Variants in OSTF1 observed in about 807,000 individuals in gnomAD.
OSTF1 encodes the protein osteoclast-stimulating factor 1.
In OSTF1, 27 loss-of-function variants were observed where a neutral mutation model predicts 37.2. The observed-to-expected ratio is 0.73, with a 90% CI of 0.54 to 1.00. OSTF1 has a LOEUF of 1.00. OSTF1 is among the 50% of genes least tolerant of loss of function. The pLI is 0.00. For synonymous variants in OSTF1, 82 were observed against 89.2 expected (o/e 0.92, Z 0.46); for missense variants, 232 against 253.8 (o/e 0.91, Z 0.58).
intron 1 of OSTF1, 125 bp from the exon 2 acceptor site, chr9:75,117,379 A>G: frequency 1.6e-6 from 1 of 641,372 alleles, no homozygotes; most frequent in South Asian, 2.1e-5. Context: ...AGCCTCTAGT[A>G]TCCTCTGTTC....
chr9:75,140,189 A>T (rs1055201036), intron 8 of OSTF1, among the ~76,000 whole-genome samples: 3 of 152,206 alleles, frequency 2.0e-5, no homozygotes, highest in Non-Finnish European at 4.4e-5. Flanking sequence ...AATAAGGGAG[A>T]TAAGAACTCA....
chr9:75,140,893 G>A lies in OSTF1; in HGVS notation c.547G>A (p.Ala183Thr), dbSNP rs1825931918. 6.2e-7 allele frequency: 1 copy of A among 1,613,668 alleles called. No individual in the cohort carries two copies. Among genetic ancestry groups the A allele is most frequent in the South Asian group, 1.1e-5 (1 of 91,066 alleles). Residue 183 changes from alanine (A) to threonine (T), a missense_variant, in exon 9 of 10, where the codon GCT becomes ACT. Transcript: ENST00000346234. ...KKLAFDMATNAACASLLKKKQ... is the reference protein window; with the variant it reads ...KKLAFDMATNTACASLLKKKQ... The stretch of plus-strand genomic sequence containing the variant: ...GCTGGCCTTCGACATGGCTACCAAT[G>A]CTGCCTGTGCATCTCTCCTGAAAAA...
At chr9:75,116,425 C>G (rs372657410) in intron 1 of OSTF1, among the ~76,000 whole-genome samples, 2 of 151,986 alleles carry the variant, frequency 1.3e-5, no homozygotes, top group South Asian at 4.1e-4. Context: ...GAGTTCCTGC[C>G]CTCAAATGAG....
intron 1 of OSTF1, among the ~76,000 whole-genome samples, chr9:75,114,531 T>A (rs1825447487): frequency 6.7e-6 from 1 of 149,010 alleles, no homozygotes; most frequent in African/African-American, 2.5e-5. Flanking sequence ...GGTTTCAGAC[T>A]TTTAAATTTT....
Position 75,133,340 on chromosome 9 carries a change from T to C in OSTF1, c.297T>C (p.Val99=). 2 of 1,613,340 alleles carry C rather than the reference T, an allele frequency of 1.2e-6. No homozygotes were observed. Among genetic ancestry groups the C allele is most frequent in the Non-Finnish European group, 1.7e-6 (2 of 1,179,388 alleles). The change falls in exon 6 of 10, where the codon GTT becomes GTC. Residue 99 remains valine, a synonymous_variant. Coordinates refer to ENST00000346234, the MANE Select transcript of OSTF1 (RefSeq NM_012383.5). ...LRECLDNRVG[V]NGLDKAGSTA... Reference sequence around the variant, plus strand: ...AGTGTTTGGACAACAGAGTGGGTGTTAATGGCTTAGACAAAGCTGGAAGCA... The same window carrying C: ...AGTGTTTGGACAACAGAGTGGGTGTCAATGGCTTAGACAAAGCTGGAAGCA...
chr9:75,138,019 A>G (rs1215244766), intron 8 of OSTF1, among the ~76,000 whole-genome samples: 1 of 152,216 alleles, frequency 6.6e-6, no homozygotes, highest in East Asian at 1.9e-4. Context: ...AGCAAGAATG[A>G]TGCGGCTGCA....
chr9:75,116,318 G>A (rs80226770), intron 1 of OSTF1, among the ~76,000 whole-genome samples: 5 of 151,886 alleles, frequency 3.3e-5, no homozygotes, highest in African/African-American at 9.7e-5. Flanking sequence ...TTCTAGAACC[G>A]GTGCCCTTGG....
chr9:75,103,779 C>T (rs1396303049), intron 1 of OSTF1, among the ~76,000 whole-genome samples: 1 of 152,140 alleles, frequency 6.6e-6, no homozygotes, highest in Admixed American at 6.6e-5. Context: ...GACCCACAGA[C>T]ATACACCACC....
At chr9:75,097,540 C>G (rs1463215333) in intron 1 of OSTF1, among the ~76,000 whole-genome samples, 1 of 152,150 alleles carries the variant, frequency 6.6e-6, no homozygotes, top group South Asian at 2.1e-4. Flanking sequence ...TTCCAAACAT[C>G]AAGTCTTCAG....
At chr9:75,101,455 G>C (rs943829120) in intron 1 of OSTF1, among the ~76,000 whole-genome samples, 1 of 152,194 alleles carries the variant, frequency 6.6e-6, no homozygotes, top group Non-Finnish European at 1.5e-5. Flanking sequence ...CAGCTTGTTA[G>C]TTTCTCATAG....
rs150390364 is a variant in OSTF1, at chr9:75,090,131, C to G, written c.34+1405C>G. ...AGGTGCAAATCAGGACCTTAAGTAT[C>G]TAACAGTGCAGAGTTGTTCTTTGAT... On this transcript the variant is annotated intron_variant, in intron 1 of 9. Transcript: ENST00000346234. 4.0e-3 allele frequency among the ~76,000 whole-genome samples: 615 copies of G among 152,326 alleles called. 8 individuals carry two copies. Among genetic ancestry groups the G allele is most frequent in the African/African-American group, 0.014 (590 of 41,558 alleles).
intron 1 of OSTF1, among the ~76,000 whole-genome samples, chr9:75,102,453 C>T (rs1421787435): frequency 1.7e-4 from 26 of 152,182 alleles, no homozygotes; most frequent in Admixed American, 1.7e-3. Flanking sequence ...CAAAAAATAT[C>T]AGAGTGAATC....
At chr9:75,103,316 G>A (rs1281715889) in intron 1 of OSTF1, among the ~76,000 whole-genome samples, 1 of 151,916 alleles carries the variant, frequency 6.6e-6, no homozygotes, top group Admixed American at 6.6e-5. Flanking sequence ...TAAAATACAG[G>A]TACCTTATAA....
intron 2 of OSTF1, among the ~76,000 whole-genome samples, chr9:75,126,397 A>G (rs926140463): frequency 6.6e-6 from 1 of 152,284 alleles, no homozygotes; most frequent in African/African-American, 2.4e-5. Context: ...TTCTTATCAC[A>G]TGTGAAATTT....
At position 75,117,554 on chromosome 9, in the gene OSTF1, A is replaced by T. The variant is rs1273559276; in HGVS notation, c.81+4A>T. ...GTATACGTTTGAACCCAGAACTGTA[A>T]GTGTTCAGTTTTTAACTTCTAAAAT... On this transcript the variant is annotated splice_donor_region_variant and intron_variant, in intron 2 of 9. Coordinates refer to ENST00000346234, the MANE Select transcript of OSTF1 (RefSeq NM_012383.5). 6.3e-7 allele frequency: 1 copy of T among 1,599,524 alleles called. No homozygotes were observed. The highest frequency in any genetic ancestry group is 8.6e-7 in the Non-Finnish European group (1 of 1,167,646).
intron 1 of OSTF1, among the ~76,000 whole-genome samples, chr9:75,113,640 G>C (rs1471905635): frequency 6.6e-6 from 1 of 151,818 alleles, no homozygotes; most frequent in African/African-American, 2.4e-5. Context: ...GTAGAGATGG[G>C]GTTTTGCTAT....
intron 1 of OSTF1, among the ~76,000 whole-genome samples, chr9:75,107,533 A>G (rs1353379360): frequency 6.6e-6 from 1 of 152,098 alleles, no homozygotes; most frequent in African/African-American, 2.4e-5. Context: ...ATGGGAGAAT[A>G]TTGTTTTTTA....
intron 2 of OSTF1, among the ~76,000 whole-genome samples, chr9:75,126,838 G>A (rs1389558046): frequency 2.6e-5 from 4 of 152,146 alleles, no homozygotes; most frequent in Non-Finnish European, 2.9e-5. Context: ...TGAACCACCT[G>A]CCTTGGTCTC....
intron 8 of OSTF1, among the ~76,000 whole-genome samples, chr9:75,138,221 A>T (rs1304839524): frequency 6.6e-6 from 1 of 152,224 alleles, no homozygotes; most frequent in Non-Finnish European, 1.5e-5. Flanking sequence ...TCTAGTCCAG[A>T]AGCCTATCAT....
Sources: gnomAD v4.1 joint callset for allele counts (sites outside exome capture counted in the v4.1 genomes callset) on GRCh38, gnomAD v4.1.1 for gene constraint, MANE v1.5 for transcripts, NCBI Gene and HGNC (gene_info 2026-07-23, HGNC 2026-07-21) for gene names.